The following EFNA5 variants were observed in gnomAD, a reference collection of about 807,000 sequenced individuals.
EFNA5 encodes ephrin-A5.
Under a neutral mutation model 22.9 loss-of-function variants are expected in EFNA5, and 5 were observed. The ratio of observed to expected loss-of-function variants is 0.22; its 90% confidence interval spans 0.11 to 0.46. The LOEUF is 0.46. Ranked by LOEUF, EFNA5 falls within the 20% of genes least tolerant of loss-of-function variation. The pLI is 0.99. For synonymous variants in EFNA5, 113 were observed against 112.2 expected, an observed-to-expected ratio of 1.01 and a Z score of -0.04; for missense variants, 237 against 293.3, an observed-to-expected ratio of 0.81 and a Z score of 1.40.
chr5:107,652,274 TC>T (rs1043234793), intron 1 of EFNA5, among the ~76,000 whole-genome samples: 1 of 152,204 alleles, frequency 6.6e-6, no homozygotes, highest in Non-Finnish European at 1.5e-5. Context: ...TTGCTCCTGT[TC>T]CTAAGGATCC....
intron 2 of EFNA5, among the ~76,000 whole-genome samples, chr5:107,389,390 C>T (rs867252840): frequency 6.6e-6 from 1 of 152,170 alleles, no homozygotes; most frequent in African/African-American, 2.4e-5. Context: ...ATTAGGAAAA[C>T]CACGGGTTCC....
chr5:107,430,447 A>G (rs1179358858), intron 1 of EFNA5, among the ~76,000 whole-genome samples: 2 of 152,042 alleles, frequency 1.3e-5, no homozygotes, highest in Non-Finnish European at 2.9e-5. Context: ...AGCATTTGGC[A>G]CTGCTCAAAG....
intron 1 of EFNA5, among the ~76,000 whole-genome samples, chr5:107,644,066 C>T (rs1750581464): frequency 6.6e-6 from 1 of 152,016 alleles, no homozygotes; most frequent in Non-Finnish European, 1.5e-5. Context: ...TCTCCCTTCT[C>T]CATTCTTTGG....
At chr5:107,531,290 G>T (rs1421925463) in intron 1 of EFNA5, among the ~76,000 whole-genome samples, 1 of 152,148 alleles carries the variant, frequency 6.6e-6, no homozygotes, top group Non-Finnish European at 1.5e-5. Context: ...AGATGAAGGG[G>T]TGTAACCAAT....
chr5:107,670,252 G>A (rs1256856066), intron 1 of EFNA5, among the ~76,000 whole-genome samples: 1 of 152,062 alleles, frequency 6.6e-6, no homozygotes, highest in Non-Finnish European at 1.5e-5. Context: ...CGCAGAAGCA[G>A]TTGGTCTAGG....
chr5:107,407,247 G>C (rs1274484034), intron 2 of EFNA5, among the ~76,000 whole-genome samples: 1 of 152,096 alleles, frequency 6.6e-6, no homozygotes, highest in Admixed American at 6.5e-5. Flanking sequence ...ATGCCGAGTA[G>C]GAGCAGCAGC....
chr5:107,587,047 T>C (rs1314336072), intron 1 of EFNA5, among the ~76,000 whole-genome samples: 3 of 152,226 alleles, frequency 2.0e-5, no homozygotes, highest in Admixed American at 1.3e-4. Context: ...ATCAGATTTC[T>C]TGTAGATTGC....
intron 1 of EFNA5, among the ~76,000 whole-genome samples, chr5:107,469,562 C>T (rs1750083191): frequency 6.6e-6 from 1 of 152,160 alleles, no homozygotes; most frequent in Non-Finnish European, 1.5e-5. Flanking sequence ...CACCTTCTGA[C>T]TGACCTTGCC....
At position 107,454,113 on chromosome 5, in the gene EFNA5, T is replaced by A. The variant is rs570966474; in HGVS notation, c.126-26604A>T. On this transcript the variant is annotated intron_variant, in intron 1 of 4. Transcript: ENST00000333274. ...ATGAACGTTTTTCCTTCTGTCACTTTATAATTGCTTTTATACAATCTAAAG... is the reference window on the plus strand; with the variant it reads ...ATGAACGTTTTTCCTTCTGTCACTTAATAATTGCTTTTATACAATCTAAAG... Among the ~76,000 whole-genome samples the A allele has an allele frequency of 2.6e-5, 4 of 152,316 alleles. 1 individual carries two copies. In the South Asian group the frequency reaches 8.3e-4, roughly 32 times the overall value.
intron 2 of EFNA5, among the ~76,000 whole-genome samples, chr5:107,421,911 C>T (rs767451064): frequency 9.9e-5 from 15 of 152,072 alleles, no homozygotes; most frequent in Non-Finnish European, 1.6e-4. Flanking sequence ...CCTGCCTCAG[C>T]TTCCTGAGTA....
At chr5:107,406,646 T>C (rs983538975) in intron 2 of EFNA5, among the ~76,000 whole-genome samples, 1 of 152,196 alleles carries the variant, frequency 6.6e-6, no homozygotes, top group African/African-American at 2.4e-5. Context: ...TACTTTACTT[T>C]TCCATCATAG....
chr5:107,482,950 T>C (rs534961197), intron 1 of EFNA5, among the ~76,000 whole-genome samples: 10 of 136,834 alleles, frequency 7.3e-5, no homozygotes, highest in Non-Finnish European at 1.3e-4. Flanking sequence ...AACAGAAAAA[T>C]AAATTGAAAA....
intron 1 of EFNA5, among the ~76,000 whole-genome samples, chr5:107,456,878 A>T (rs558233734): frequency 6.6e-6 from 1 of 152,118 alleles, no homozygotes; most frequent in Non-Finnish European, 1.5e-5. Flanking sequence ...TATCTAGTCA[A>T]AATGCATCCC....
intron 2 of EFNA5, among the ~76,000 whole-genome samples, chr5:107,403,689 G>T (rs925164710): frequency 6.6e-6 from 1 of 152,122 alleles, no homozygotes; most frequent in African/African-American, 2.4e-5. Context: ...TGCAACCCTA[G>T]ATATAAATAT....
At chr5:107,570,647 G>A (rs559262695) in intron 1 of EFNA5, among the ~76,000 whole-genome samples, 1 of 151,564 alleles carries the variant, frequency 6.6e-6, no homozygotes, top group Non-Finnish European at 1.5e-5. Flanking sequence ...AAAAGTGTGT[G>A]TGTGGGGGTG....
At chr5:107,444,202 G>C (rs997359859) in intron 1 of EFNA5, among the ~76,000 whole-genome samples, 1 of 152,178 alleles carries the variant, frequency 6.6e-6, no homozygotes, top group Non-Finnish European at 1.5e-5. Context: ...AGATAAATCA[G>C]GGTGATATCT....
chr5:107,668,892 C>T (rs1335157692), intron 1 of EFNA5, among the ~76,000 whole-genome samples: 3 of 152,150 alleles, frequency 2.0e-5, no homozygotes, highest in East Asian at 3.8e-4. Flanking sequence ...TGGTAAGTGG[C>T]ATGTCAAAGA....
chr5:107,529,823 G>A (rs980876901), intron 1 of EFNA5, among the ~76,000 whole-genome samples: 1 of 152,136 alleles, frequency 6.6e-6, no homozygotes, highest in Non-Finnish European at 1.5e-5. Flanking sequence ...ATTGATTCAT[G>A]CTGTGCTTTC....
At chr5:107,604,733 G>A (rs1749676212) in intron 1 of EFNA5, among the ~76,000 whole-genome samples, 1 of 152,200 alleles carries the variant, frequency 6.6e-6, no homozygotes, top group Non-Finnish European at 1.5e-5. Context: ...GAGGCAGAAT[G>A]TCAGTGGCAG....
Sources: gnomAD v4.1 joint callset for allele counts (sites outside exome capture counted in the v4.1 genomes callset) on GRCh38, gnomAD v4.1.1 for gene constraint, MANE v1.5 for transcripts, NCBI Gene and HGNC (gene_info 2026-07-23, HGNC 2026-07-21) for gene names.